KIFC3: variants seen among roughly 807,000 people sequenced by gnomAD.
KIFC3 encodes the protein kinesin-like protein KIFC3.
In KIFC3, 60 loss-of-function variants were observed where a neutral mutation model predicts 101.8. The observed-to-expected ratio is 0.59, with a 90% CI of 0.48 to 0.73. The LOEUF (loss-of-function observed/expected upper bound fraction) is 0.73. Ranked by LOEUF, KIFC3 falls within the 30% of genes least tolerant of loss-of-function variation. The pLI is 0.00. For synonymous variants in KIFC3, 476 were observed against 482.7 expected (o/e 0.99, Z 0.18); for missense variants, 966 against 1,137.1 (o/e 0.85, Z 2.16).
At position 57,775,287 on chromosome 16, in the gene KIFC3, C is replaced by A. The variant is rs994990852; in HGVS notation, c.316-2999G>T. ...CCCCTTTGTTCAGAGGTGTCAGACA[C>A]TAGGTCATCTCTGGCTTCTTGAGGG... On this transcript the variant is annotated intron_variant, in intron 3 of 19. Transcript: ENST00000445690. 1.9e-5 allele frequency: 24 copies of A among 1,247,188 alleles called. No homozygotes were observed. In the African/African-American group the frequency reaches 3.4e-4, roughly 18 times the overall value. 77.3% of individuals were successfully genotyped at this position (1,247,188 alleles called of 1,614,324 possible).
intron 1 of KIFC3, among the ~76,000 whole-genome samples, chr16:57,813,150 A>G (rs542259466): frequency 2.0e-5 from 3 of 152,218 alleles, no homozygotes; most frequent in Admixed American, 2.0e-4. Flanking sequence ...CAACATGGCG[A>G]AACTCCATCT....
chr16:57,764,425 T>C (rs566992241), intron 11 of KIFC3, 178 bp from the exon 12 acceptor site: 3 of 583,958 alleles, frequency 5.1e-6, no homozygotes, highest in African/African-American at 1.9e-5. Context: ...TAGACAGTAG[T>C]GGGCAACCGG....
chr16:57,809,849 C>T (rs1189113685), intron 1 of KIFC3, among the ~76,000 whole-genome samples: 1 of 152,168 alleles, frequency 6.6e-6, no homozygotes, highest in African/African-American at 2.4e-5. Context: ...GGCTGGTTCT[C>T]CTGGGAGGCA....
In KIFC3 at chr16:57,802,291, G is replaced by A. The variant is rs2054783905; in HGVS notation, c.-40+79C>T. On this transcript the variant is annotated intron_variant, in intron 1 of 19. Coordinates refer to ENST00000445690, the MANE Select transcript of KIFC3 (RefSeq NM_001130100.2). The surrounding 1 kb of genome is among the most constrained non-coding windows in gnomAD (Gnocchi z 5.0). ...GGGGTCCCGAGGGCAGGGCCGGCCCGGACGCGGCGCCCCAAACGGCGGGCC... is the reference window on the plus strand; with the variant it reads ...GGGGTCCCGAGGGCAGGGCCGGCCCAGACGCGGCGCCCCAAACGGCGGGCC... 3.8e-6 allele frequency: 3 copies of A among 781,134 alleles called. No homozygotes were observed. In the African/African-American group the frequency reaches 5.6e-5, roughly 15 times the overall value. The allele number at this position is 781,134 out of a possible 1,614,324, so 48.4% of individuals were successfully genotyped here.
intron 1 of KIFC3, among the ~76,000 whole-genome samples, chr16:57,827,840 TG>T (rs2055491483): frequency 6.6e-6 from 1 of 152,216 alleles, no homozygotes; most frequent in African/African-American, 2.4e-5. Context: ...TTGTCATCTG[TG>T]GTGTGTCCCA....
intron 1 of KIFC3, among the ~76,000 whole-genome samples, chr16:57,813,002 C>T (rs1160524146): frequency 2.0e-5 from 3 of 152,130 alleles, no homozygotes; most frequent in African/African-American, 7.2e-5. Flanking sequence ...GAGCTCATTC[C>T]ACTTGTACTG....
At chr16:57,777,690 C>A (rs1555612448) in intron 3 of KIFC3, among the ~76,000 whole-genome samples, 1 of 151,782 alleles carries the variant, frequency 6.6e-6, no homozygotes, top group Non-Finnish European at 1.5e-5. Context: ...CACTGCACTC[C>A]CGCCTGGGCA....
intron 1 of KIFC3, among the ~76,000 whole-genome samples, chr16:57,839,933 G>A (rs182292499): frequency 8.5e-5 from 13 of 152,060 alleles, no homozygotes; most frequent in East Asian, 1.9e-4. Flanking sequence ...TCCACTCTCC[G>A]CTGCCTAACA....
chr16:57,802,531 G>T (rs1568065923), upstream of KIFC3: 2 of 986,018 alleles, frequency 2.0e-6, no homozygotes, highest in Non-Finnish European at 2.4e-6. The surrounding 1 kb of genome is among the most constrained non-coding windows in gnomAD (Gnocchi z 5.0). Context: ...CTCGGGCCGC[G>T]GCGCGTTCCC....
Position 57,760,324 on chromosome 16 carries a change from G to T in KIFC3, c.2325C>A (p.Arg775=), listed in dbSNP as rs2049686955. ...VRSVELGPGL[R]RAELGSWSSQ... ...TTGACCAGGACCCAAGCTCTGCCCTGCGTAGCCCAGGCCCCAGCTCCACAG... is the reference window on the plus strand; with the variant it reads ...TTGACCAGGACCCAAGCTCTGCCCTTCGTAGCCCAGGCCCCAGCTCCACAG... Residue 775 remains arginine (R), a synonymous_variant, in exon 17 of 20, where the codon CGC becomes CGA. Coordinates refer to ENST00000445690, the MANE Select transcript of KIFC3 (RefSeq NM_001130100.2). 6.2e-7 allele frequency: 1 copy of T among 1,613,900 alleles called. No individual in the cohort carries two copies. Among genetic ancestry groups the T allele is most frequent in the Non-Finnish European group, 8.5e-7 (1 of 1,179,972 alleles).
At chr16:57,831,362 T>C (rs1430994086) in intron 1 of KIFC3, among the ~76,000 whole-genome samples, 2 of 152,208 alleles carry the variant, frequency 1.3e-5, no homozygotes, top group African/African-American at 2.4e-5. Flanking sequence ...CAAACCGCAC[T>C]GTGCACATGA....
In KIFC3 at chr16:57,759,041, G is replaced by C. The variant is rs1567916489; in HGVS notation, c.*24+84C>G. The C allele has an allele frequency of 2.6e-6, 4 of 1,539,022 alleles. No individual in the cohort carries two copies. The East Asian group carries it at 9.6e-5, about 37-fold the overall frequency. ...GACAGCAGGGGCTAGACCCAGCTCT[G>C]AACAGCAGAACGTCCCAGCGCAGCC... On this transcript the variant is annotated intron_variant, in intron 19 of 19. Coordinates refer to ENST00000445690, the MANE Select transcript of KIFC3 (RefSeq NM_001130100.2).
chr16:57,839,831 T>C (rs1252571658), intron 1 of KIFC3, among the ~76,000 whole-genome samples: 1 of 152,168 alleles, frequency 6.6e-6, no homozygotes, highest in Non-Finnish European at 1.5e-5. Flanking sequence ...TAAAATTCCA[T>C]CATTCTTGAG....
chr16:57,785,847 C>G (rs2053265226), intron 3 of KIFC3, among the ~76,000 whole-genome samples: 1 of 151,954 alleles, frequency 6.6e-6, no homozygotes, highest in African/African-American at 2.4e-5. Context: ...GGGCCTGTCC[C>G]AGAAGAAGAC....
In KIFC3 at chr16:57,790,082, T is replaced by C. The variant is rs146337150; in HGVS notation, c.315+4917A>G. Among the ~76,000 whole-genome samples, 8 of 35,750 alleles carry C rather than the reference T, an allele frequency of 2.2e-4. 1 individual carries two copies. The highest frequency in any genetic ancestry group is 1.0e-3 in the Admixed American group (4 of 4,010). 23.5% of individuals were successfully genotyped at this position (35,750 alleles called of 152,430 possible). ...TCTTTCTTTCTTTCTTTCTTTCTTT[T>C]TTTTTTTTTTTTTTAAAGACAGAGT... On this transcript the variant is annotated intron_variant, in intron 3 of 19. Coordinates refer to ENST00000445690, the MANE Select transcript of KIFC3 (RefSeq NM_001130100.2).
chr16:57,789,277 A>G (rs1555619223), intron 3 of KIFC3, among the ~76,000 whole-genome samples: 5 of 152,220 alleles, frequency 3.3e-5, no homozygotes, highest in African/African-American at 9.6e-5. Context: ...TCGAGAGGCC[A>G]TGGGAAGCCG....
chr16:57,849,653 A>G (rs2056006698), intron 1 of KIFC3, among the ~76,000 whole-genome samples: 1 of 152,166 alleles, frequency 6.6e-6, no homozygotes, highest in Non-Finnish European at 1.5e-5. Context: ...CTGTAATTCC[A>G]GCACTTTGGG....
chr16:57,785,761 T>G, intron 3 of KIFC3: 1 of 730,498 alleles, frequency 1.4e-6, no homozygotes. Flanking sequence ...CCAGGGATGA[T>G]AGAGGTGCAA....
intron 1 of KIFC3, among the ~76,000 whole-genome samples, chr16:57,801,381 C>A (rs1353096787): frequency 1.3e-5 from 2 of 152,200 alleles, no homozygotes; most frequent in African/African-American, 4.8e-5. Context: ...CCAGGGCAAC[C>A]TAGATTTCAA....
Sources: allele counts gnomAD v4.1 joint callset (sites outside exome capture counted in the v4.1 genomes callset), GRCh38; gene constraint gnomAD v4.1.1; non-coding constraint Gnocchi (gnomAD v3.1); transcripts MANE v1.5; gene names NCBI Gene and HGNC (gene_info 2026-07-23, HGNC 2026-07-21).